The following HYAL4 variants were observed in gnomAD, a reference collection of about 807,000 sequenced individuals.
The protein encoded by HYAL4 is hyaluronidase 4.
In HYAL4, 37 loss-of-function variants were observed where a neutral mutation model predicts 35.2. That is an observed-to-expected ratio of 1.05 (90% CI 0.81 to 1.38). The LOEUF (loss-of-function observed/expected upper bound fraction) is 1.38, where lower values mean the gene tolerates loss of function less well. HYAL4 is among the 40% of genes most tolerant of loss of function. HYAL4 has a pLI of 0.00. For synonymous variants in HYAL4, 198 were observed against 203.2 expected (o/e 0.97, Z 0.22); for missense variants, 572 against 572.4 (o/e 1.00, Z 0.01).
the HYAL4 span, among the ~76,000 whole-genome samples, chr7:123,777,328 A>T: frequency 2.0e-5 from 3 of 152,212 alleles, no homozygotes; most frequent in South Asian, 6.2e-4. Flanking sequence ...TTTTATATTG[A>T]TAACATATTG....
chr7:123,770,944 G>A, the HYAL4 span, among the ~76,000 whole-genome samples: 2 of 152,078 alleles, frequency 1.3e-5, no homozygotes, highest in African/African-American at 4.8e-5. Flanking sequence ...ATGTAAATAC[G>A]GTAGGAATAG....
chr7:123,823,964 G>A, the HYAL4 span, among the ~76,000 whole-genome samples: 1 of 151,930 alleles, frequency 6.6e-6, no homozygotes, highest in African/African-American at 2.4e-5. Context: ...TTAACAAACA[G>A]TCTCAGTTTC....
chr7:123,854,028 T>G, intron 2 of HYAL4, among the ~76,000 whole-genome samples: 1 of 152,170 alleles, frequency 6.6e-6, no homozygotes, highest in East Asian at 1.9e-4. Context: ...GTGTTTATAG[T>G]ATTTTCTGAT....
the HYAL4 span, among the ~76,000 whole-genome samples, chr7:123,811,607 A>T: frequency 1.3e-5 from 2 of 152,092 alleles, no homozygotes; most frequent in East Asian, 3.9e-4. Flanking sequence ...TCTTTTGCAA[A>T]TATTTTCTCT....
At chr7:123,849,602 C>T (rs1806256350) in intron 2 of HYAL4, among the ~76,000 whole-genome samples, 1 of 152,112 alleles carries the variant, frequency 6.6e-6, no homozygotes, top group Non-Finnish European at 1.5e-5. Context: ...GCAACTGGCC[C>T]AGGCTTTCTT....
In HYAL4 at chr7:123,868,951, T is replaced by C. The variant is rs748536372; in HGVS notation, c.678T>C (p.Tyr226=). 9 of 1,613,906 alleles carry C rather than the reference T, an allele frequency of 5.6e-6. No homozygotes were observed. In the South Asian group the frequency reaches 6.6e-5, roughly 12 times the overall value. ...ATTTATATCCTGATTGCCACAATTA[T>C]AACGTTTATGCCCCAAACTACTCTG... ...GYYLYPDCHN[Y]NVYAPNYSGS... is the part of the protein sequence containing the mutation. The change falls in exon 3 of 5, where the codon TAT becomes TAC. Residue 226 remains tyrosine (Y), a synonymous_variant. Coordinates refer to ENST00000223026, the MANE Select transcript of HYAL4 (RefSeq NM_012269.3).
chr7:123,838,579 A>G (rs576479363), intron 1 of HYAL4, among the ~76,000 whole-genome samples: 2 of 152,012 alleles, frequency 1.3e-5, no homozygotes, highest in East Asian at 1.9e-4. Context: ...TCTTTCCTTC[A>G]TCGTAACTTT....
chr7:123,798,940 A>G, the HYAL4 span, among the ~76,000 whole-genome samples: 4 of 152,152 alleles, frequency 2.6e-5, no homozygotes, highest in African/African-American at 9.7e-5. Context: ...ATCAGATTAG[A>G]TAGAGCCTTG....
intron 1 of HYAL4, among the ~76,000 whole-genome samples, chr7:123,836,414 G>A (rs1458875727): frequency 6.6e-6 from 1 of 152,062 alleles, no homozygotes; most frequent in East Asian, 1.9e-4. Flanking sequence ...CTCACTTTTA[G>A]TGTCCATTTG....
intron 1 of HYAL4, among the ~76,000 whole-genome samples, chr7:123,846,246 G>T (rs1163191349): frequency 1.3e-5 from 2 of 151,982 alleles, no homozygotes; most frequent in African/African-American, 4.8e-5. Flanking sequence ...TGCCAGGGTG[G>T]GTAGGGAAGG....
chr7:123,767,088 TTATA>T, the HYAL4 span, among the ~76,000 whole-genome samples: 1 of 152,220 alleles, frequency 6.6e-6, no homozygotes, highest in African/African-American at 2.4e-5. Context: ...AAATAAAAAA[TTATA>T]TATGTTTAAA....
upstream of HYAL4, among the ~76,000 whole-genome samples, chr7:123,841,424 A>G (rs1029861632): frequency 7.2e-5 from 11 of 152,146 alleles, no homozygotes; most frequent in African/African-American, 2.2e-4. Context: ...ATCAATTTTC[A>G]TCAGGGATAT....
chr7:123,789,641 G>A, the HYAL4 span, among the ~76,000 whole-genome samples: 15 of 152,070 alleles, frequency 9.9e-5, no homozygotes, highest in African/African-American at 2.9e-4. Flanking sequence ...GAGTAAAATA[G>A]TACTTTCTGA....
chr7:123,874,754 A>T lies in HYAL4; in HGVS notation c.955-7A>T, dbSNP rs764964380. Reference sequence around the variant, plus strand: ...ATTAATAATGAACTCTACTGTCTTCAATCTAGCAAGATCTAGTCAGCACCA... The same window carrying T: ...ATTAATAATGAACTCTACTGTCTTCTATCTAGCAAGATCTAGTCAGCACCA... On this transcript the variant is annotated splice_region_variant and splice_polypyrimidine_tract_variant and intron_variant, in intron 3 of 4. Coordinates refer to ENST00000223026, the MANE Select transcript of HYAL4 (RefSeq NM_012269.3). The T allele has an allele frequency of 3.5e-5, 55 of 1,558,636 alleles. No individual in the cohort carries two copies. The highest frequency in any genetic ancestry group is 4.6e-5 in the Non-Finnish European group (52 of 1,129,416).
At chr7:123,781,878 C>A in the HYAL4 span, among the ~76,000 whole-genome samples, 1 of 151,972 alleles carries the variant, frequency 6.6e-6, no homozygotes, top group African/African-American at 2.4e-5. Context: ...TAGTCTAGAA[C>A]CTGGGTTACT....
upstream of HYAL4, among the ~76,000 whole-genome samples, chr7:123,828,068 T>C (rs1359164495): frequency 6.6e-6 from 1 of 152,100 alleles, no homozygotes; most frequent in East Asian, 1.9e-4. Flanking sequence ...AAATGTGTCC[T>C]AGAGTTAAAG....
upstream of HYAL4, among the ~76,000 whole-genome samples, chr7:123,827,118 T>C (rs1488843312): frequency 1.3e-5 from 2 of 152,014 alleles, no homozygotes; most frequent in Non-Finnish European, 2.9e-5. Context: ...TTTAAACTAA[T>C]GAGATGGGGT....
At chr7:123,775,925 G>C in the HYAL4 span, among the ~76,000 whole-genome samples, 1 of 152,278 alleles carries the variant, frequency 6.6e-6, no homozygotes, top group African/African-American at 2.4e-5. Context: ...TTTCAAGTTT[G>C]CAAGCTCAAA....
the HYAL4 span, among the ~76,000 whole-genome samples, chr7:123,791,240 C>T: frequency 2.0e-5 from 3 of 152,070 alleles, no homozygotes; most frequent in Admixed American, 2.0e-4. Flanking sequence ...GGCCTGAATT[C>T]CTTATATTTA....
Sources: allele counts gnomAD v4.1 joint callset (sites outside exome capture counted in the v4.1 genomes callset), GRCh38; gene constraint gnomAD v4.1.1; transcripts MANE v1.5; gene names NCBI Gene and HGNC (gene_info 2026-07-23, HGNC 2026-07-21).